SCLT1: variants seen among roughly 807,000 people sequenced by gnomAD.
The protein encoded by SCLT1 is sodium channel and clathrin linker 1, also known as sodium channel-associated protein 1.
Under a neutral mutation model 112.8 loss-of-function variants are expected in SCLT1, and 78 were observed. The observed-to-expected ratio is 0.69, with a 90% CI of 0.58 to 0.83. The LOEUF is 0.83. Ranked by LOEUF, SCLT1 falls within the 40% of genes least tolerant of loss-of-function variation. The pLI is 0.00. For synonymous variants in SCLT1, 257 were observed against 254.7 expected, an observed-to-expected ratio of 1.01 and a Z score of -0.09; for missense variants, 747 against 770.4, an observed-to-expected ratio of 0.97 and a Z score of 0.36.
At chr4:128,940,170 TA>T (rs1560866829) in intron 17 of SCLT1, among the ~76,000 whole-genome samples, 3 of 151,262 alleles carry the variant, frequency 2.0e-5, no homozygotes, top group East Asian at 1.9e-4. Context: ...CCACTCATTA[TA>T]AAAAAAAGAA....
chr4:129,034,866 T>TA (rs1213036621), intron 5 of SCLT1, among the ~76,000 whole-genome samples: 2 of 152,120 alleles, frequency 1.3e-5, no homozygotes, highest in Admixed American at 6.5e-5. Flanking sequence ...ATTTTATTTA[T>TA]AAAAAGATGT....
intron 17 of SCLT1, among the ~76,000 whole-genome samples, chr4:128,938,853 G>A (rs570264568): frequency 7.9e-5 from 12 of 152,066 alleles, no homozygotes; most frequent in Non-Finnish European, 1.5e-5. Flanking sequence ...GAGGTGGTGG[G>A]TGCCTGTAAT....
At chr4:128,962,703 T>C (rs1392356323) in intron 11 of SCLT1, among the ~76,000 whole-genome samples, 1 of 152,218 alleles carries the variant, frequency 6.6e-6, no homozygotes, top group African/African-American at 2.4e-5. Flanking sequence ...TTTATCCACC[T>C]ATGTAAAACC....
intron 19 of SCLT1, among the ~76,000 whole-genome samples, chr4:128,889,956 C>T (rs1733184640): frequency 6.6e-6 from 1 of 152,048 alleles, no homozygotes; most frequent in Non-Finnish European, 1.5e-5. Flanking sequence ...ATAACAGTAT[C>T]CTGCTAAAAT....
intron 18 of SCLT1, among the ~76,000 whole-genome samples, chr4:128,932,608 C>T (rs1410790827): frequency 2.0e-5 from 3 of 151,930 alleles, no homozygotes; most frequent in Admixed American, 6.6e-5. Context: ...ACTGAAAGTC[C>T]TACCCAGAGA....
At chr4:128,904,827 C>T (rs563512865) in intron 18 of SCLT1, among the ~76,000 whole-genome samples, 1 of 152,124 alleles carries the variant, frequency 6.6e-6, no homozygotes, top group African/African-American at 2.4e-5. Context: ...AAAGACCTGA[C>T]TGCTAAAAAA....
At chr4:128,955,416 A>G (rs996439685) in intron 13 of SCLT1, among the ~76,000 whole-genome samples, 1 of 152,190 alleles carries the variant, frequency 6.6e-6, no homozygotes, top group Non-Finnish European at 1.5e-5. Flanking sequence ...AACAATGTAT[A>G]TTTTTTACAA....
chr4:129,046,093 G>C (rs2125702985), intron 2 of SCLT1, among the ~76,000 whole-genome samples: 1 of 152,156 alleles, frequency 6.6e-6, no homozygotes. Context: ...CAAATTATAA[G>C]TATACAGCTA....
chr4:129,051,937 G>T (rs1459341285), intron 2 of SCLT1, among the ~76,000 whole-genome samples: 3 of 152,218 alleles, frequency 2.0e-5, no homozygotes, highest in Admixed American at 2.0e-4. Flanking sequence ...TAGCATGGAG[G>T]CCTGTTGAAT....
At chr4:128,957,443 C>T (rs1270187057) in intron 12 of SCLT1, among the ~76,000 whole-genome samples, 1 of 152,108 alleles carries the variant, frequency 6.6e-6, no homozygotes, top group African/African-American at 2.4e-5. Context: ...ATAATCAAAT[C>T]TAGGTATTGT....
chr4:128,902,368 T>C (rs1734383797), intron 18 of SCLT1, among the ~76,000 whole-genome samples: 1 of 152,212 alleles, frequency 6.6e-6, no homozygotes, highest in African/African-American at 2.4e-5. Context: ...TACACAAACC[T>C]AGATGGTAAC....
chr4:129,093,020 C>A, intron 1 of SCLT1, 50 bp downstream of exon 1: 2 of 1,316,682 alleles, frequency 1.5e-6, no homozygotes, highest in South Asian at 1.2e-5. Context: ...CGGTCAACGA[C>A]GACGATATTA....
chr4:129,085,779 G>A (rs549981760), intron 1 of SCLT1, among the ~76,000 whole-genome samples: 3 of 152,058 alleles, frequency 2.0e-5, no homozygotes, highest in Non-Finnish European at 2.9e-5. Context: ...AACCAAGTAC[G>A]GCATGTTCTC....
At chr4:128,873,299 GAAA>G (rs1329509723) in intron 5 of SCLT1, 6 of 121,406 alleles carry the variant, frequency 4.9e-5, no homozygotes, top group Admixed American at 1.6e-4. Context: ...AAAGAAAAAA[GAAA>G]AAAAGAGAAA....
chr4:129,074,523 G>T (rs1283753078), intron 2 of SCLT1, among the ~76,000 whole-genome samples: 2 of 151,984 alleles, frequency 1.3e-5, no homozygotes, highest in Non-Finnish European at 2.9e-5. Flanking sequence ...AACTCGAGCA[G>T]TAATAGAAAA....
intron 5 of SCLT1, among the ~76,000 whole-genome samples, chr4:129,008,647 A>C (rs1744240361): frequency 6.6e-6 from 1 of 151,970 alleles, no homozygotes; most frequent in South Asian, 2.1e-4. Context: ...TTTTCTTTTT[A>C]AATTTTTTTG....
chr4:128,972,995 T>C (rs554708254), intron 9 of SCLT1, among the ~76,000 whole-genome samples: 15 of 152,184 alleles, frequency 9.9e-5, no homozygotes, highest in Non-Finnish European at 2.9e-5. Flanking sequence ...ATTACCCCCA[T>C]GTAATTTATA....
intron 1 of SCLT1, among the ~76,000 whole-genome samples, chr4:129,085,877 G>A (rs1007835251): frequency 3.3e-5 from 5 of 152,124 alleles, no homozygotes; most frequent in African/African-American, 9.7e-5. Flanking sequence ...TGGGAGGAGG[G>A]AGAGGATCAG....
intron 2 of SCLT1, among the ~76,000 whole-genome samples, chr4:129,073,355 A>G (rs942823002): frequency 1.3e-5 from 2 of 152,192 alleles, no homozygotes; most frequent in Non-Finnish European, 2.9e-5. Context: ...TTCAGAAGTT[A>G]CTTACAAAAG....
Sources: gnomAD v4.1 joint callset for allele counts (sites outside exome capture counted in the v4.1 genomes callset) on GRCh38, gnomAD v4.1.1 for gene constraint, MANE v1.5 for transcripts, NCBI Gene and HGNC (gene_info 2026-07-23, HGNC 2026-07-21) for gene names.